SMAP1: variants seen among roughly 807,000 people sequenced by gnomAD.
The protein encoded by SMAP1 is stromal membrane-associated protein 1.
Under a neutral mutation model 58.5 loss-of-function variants are expected in SMAP1, and 24 were observed. The ratio of observed to expected loss-of-function variants is 0.41; its 90% CI spans 0.30 to 0.58. The LOEUF (loss-of-function observed/expected upper bound fraction) is 0.58, where lower values mean the gene tolerates loss of function less well. SMAP1 is among the 20% of genes least tolerant of loss of function. The pLI is 0.29. For synonymous variants in SMAP1, 216 were observed against 196.6 expected, an observed-to-expected ratio of 1.10 and a Z score of -0.82; for missense variants, 563 against 566.3, an observed-to-expected ratio of 0.99 and a Z score of 0.06.
At chr6:70,800,040 CT>C (rs1455414681) in intron 6 of SMAP1, among the ~76,000 whole-genome samples, 2 of 151,946 alleles carry the variant, frequency 1.3e-5, no homozygotes, top group Admixed American at 1.3e-4. Context: ...TTTTTGCCTT[CT>C]TTTTTTCACT....
At chr6:70,760,756 A>C (rs1766714670) in intron 3 of SMAP1, among the ~76,000 whole-genome samples, 1 of 152,106 alleles carries the variant, frequency 6.6e-6, no homozygotes, top group Non-Finnish European at 1.5e-5. Context: ...AGTTAAACTC[A>C]TATAATATGG....
intron 1 of SMAP1, among the ~76,000 whole-genome samples, chr6:70,681,142 G>C (rs1766694531): frequency 6.6e-6 from 1 of 152,090 alleles, no homozygotes; most frequent in Non-Finnish European, 1.5e-5. Context: ...GCATAGGCTA[G>C]GAATGGTGGC....
At chr6:70,805,550 G>T (rs1316539403) in intron 6 of SMAP1, among the ~76,000 whole-genome samples, 4 of 152,158 alleles carry the variant, frequency 2.6e-5, no homozygotes, top group African/African-American at 9.7e-5. Context: ...TGTTGCTGGC[G>T]AGGAGCTGTG....
At chr6:70,760,331 A>G (rs1447016032) in intron 3 of SMAP1, among the ~76,000 whole-genome samples, 1 of 151,978 alleles carries the variant, frequency 6.6e-6, no homozygotes, top group African/African-American at 2.4e-5. Flanking sequence ...TTATGGTCAT[A>G]TTTATGTGAG....
At chr6:70,806,693 T>C (rs1397668318) in intron 6 of SMAP1, among the ~76,000 whole-genome samples, 1 of 152,242 alleles carries the variant, frequency 6.6e-6, no homozygotes, top group Non-Finnish European at 1.5e-5. Context: ...GAATTAGTTT[T>C]TTCAAGTCAA....
intron 1 of SMAP1, among the ~76,000 whole-genome samples, chr6:70,712,360 T>C (rs1768089361): frequency 6.6e-6 from 1 of 152,248 alleles, no homozygotes; most frequent in South Asian, 2.1e-4. Context: ...GATTTTTGAA[T>C]GTGTGCTCAT....
intron 1 of SMAP1, among the ~76,000 whole-genome samples, chr6:70,671,607 A>G (rs1766269495): frequency 6.6e-6 from 1 of 152,164 alleles, no homozygotes; most frequent in African/African-American, 2.4e-5. Flanking sequence ...AACAAAACAT[A>G]TAGATAAAAT....
chr6:70,759,128 C>A (rs564595692), intron 3 of SMAP1, among the ~76,000 whole-genome samples: 84 of 152,200 alleles, frequency 5.5e-4, no homozygotes, highest in African/African-American at 2.0e-3. Context: ...CCTGAGAATT[C>A]TTTTCCTTCT....
intron 3 of SMAP1, among the ~76,000 whole-genome samples, chr6:70,757,672 A>G (rs1766555816): frequency 6.6e-6 from 1 of 152,162 alleles, no homozygotes; most frequent in South Asian, 2.1e-4. Flanking sequence ...CAAATTTACA[A>G]GAAAAAAACA....
chr6:70,790,105 C>G (rs532814610), intron 4 of SMAP1, among the ~76,000 whole-genome samples: 149 of 152,292 alleles, frequency 9.8e-4, no homozygotes, highest in African/African-American at 3.3e-3. Flanking sequence ...TATGATACAG[C>G]TATCTTCTAA....
intron 1 of SMAP1, among the ~76,000 whole-genome samples, chr6:70,712,748 AT>A (rs962683115): frequency 5.4e-5 from 7 of 129,772 alleles, no homozygotes; most frequent in South Asian, 2.5e-4. Flanking sequence ...GTAGTTCCTT[AT>A]TTTTTTTTAT....
At chr6:70,743,146 T>C (rs575379750) in intron 2 of SMAP1, among the ~76,000 whole-genome samples, 1 of 152,308 alleles carries the variant, frequency 6.6e-6, no homozygotes, top group Admixed American at 6.5e-5. Flanking sequence ...AATGTTTTGG[T>C]ATTTTTTTCT....
intron 6 of SMAP1, among the ~76,000 whole-genome samples, chr6:70,816,473 C>T (rs898130187): frequency 6.6e-6 from 1 of 152,044 alleles, no homozygotes; most frequent in Non-Finnish European, 1.5e-5. Flanking sequence ...GATGTACAGT[C>T]CTATTTATAA....
rs532524530 is a variant in SMAP1, at chr6:70,798,518, A to G, written c.496-139A>G. 7.0e-5 allele frequency: 41 copies of G among 581,692 alleles called. No homozygotes were observed. The East Asian group carries it at 1.1e-3, about 16-fold the overall frequency. The allele number at this position is 581,692 out of a possible 1,614,324, so 36.0% of individuals were successfully genotyped here. On this transcript the variant is annotated intron_variant, in intron 5 of 10. Transcript: ENST00000370455. ...TGAGAATATGAATTTACTGTTTATT[A>G]TATTTCAGTAGCACGTAGATATTGT...
At chr6:70,675,514 G>A (rs900506945) in intron 1 of SMAP1, among the ~76,000 whole-genome samples, 1 of 151,856 alleles carries the variant, frequency 6.6e-6, no homozygotes, top group African/African-American at 2.4e-5. Flanking sequence ...AGTTGGGTGT[G>A]GTGGTGCACT....
intron 2 of SMAP1, among the ~76,000 whole-genome samples, chr6:70,743,960 T>C (rs893501808): frequency 2.0e-5 from 3 of 152,210 alleles, no homozygotes; most frequent in Non-Finnish European, 4.4e-5. Context: ...AATTTGAATG[T>C]GCAAGATTAT....
chr6:70,766,133 C>T (rs575713916), intron 3 of SMAP1, among the ~76,000 whole-genome samples: 131 of 152,190 alleles, frequency 8.6e-4, no homozygotes, highest in African/African-American at 2.4e-3. Context: ...ATTTTCTTAA[C>T]CCAGTCTATC....
In SMAP1 at chr6:70,861,019, G is replaced by C. The variant is rs141688465; in HGVS notation, c.*685G>C. The C allele has an allele frequency of 3.7e-6, 1 of 270,684 alleles. No homozygotes were observed. Among genetic ancestry groups the C allele is most frequent in the East Asian group, 6.1e-5 (1 of 16,446 alleles). 16.8% of individuals were successfully genotyped at this position (270,684 alleles called of 1,614,324 possible). On this transcript the variant is annotated 3_prime_UTR_variant, in exon 11 of 11. Transcript: ENST00000370455. ...ATGAAGACCTTTTTCTGCACTATAT[G>C]CAAACAGGGTAACTAACTAAAACAA...
intron 1 of SMAP1, among the ~76,000 whole-genome samples, chr6:70,722,048 T>C (rs1352464296): frequency 2.0e-5 from 3 of 152,210 alleles, no homozygotes; most frequent in Non-Finnish European, 4.4e-5. Flanking sequence ...GAAATTATCA[T>C]TGATATCTAT....
Sources: allele counts gnomAD v4.1 joint callset (sites outside exome capture counted in the v4.1 genomes callset), GRCh38; gene constraint gnomAD v4.1.1; transcripts MANE v1.5; gene names NCBI Gene and HGNC (gene_info 2026-07-23, HGNC 2026-07-21).